The following SLC35F3 variants were observed in gnomAD, a reference collection of about 807,000 sequenced individuals.
The protein encoded by SLC35F3 is solute carrier family 35 member F3.
SLC35F3 carries 25 observed loss-of-function variants against 49.9 expected under a neutral mutation model. The ratio of observed to expected loss-of-function variants is 0.50; its 90% confidence interval spans 0.37 to 0.70. The LOEUF (loss-of-function observed/expected upper bound fraction) is 0.70. SLC35F3 is among the 30% of genes least tolerant of loss of function. The pLI, the probability that SLC35F3 is intolerant of heterozygous loss-of-function variation, is 0.00. For synonymous variants in SLC35F3, 275 were observed against 265.4 expected, an observed-to-expected ratio of 1.04 and a Z score of -0.35; for missense variants, 525 against 639.8, an observed-to-expected ratio of 0.82 and a Z score of 1.94.
chr1:234,065,282 G>C (rs191430430), intron 2 of SLC35F3, among the ~76,000 whole-genome samples: 3 of 152,236 alleles, frequency 2.0e-5, no homozygotes, highest in Admixed American at 2.0e-4. Flanking sequence ...GAGTAGCTGG[G>C]ACTACAGACG....
intron 2 of SLC35F3, among the ~76,000 whole-genome samples, chr1:233,960,755 G>T (rs980220644): frequency 6.6e-6 from 1 of 152,198 alleles, no homozygotes; most frequent in African/African-American, 2.4e-5. Flanking sequence ...CCCACTGCCA[G>T]CATTCCCCCT....
intron 2 of SLC35F3, among the ~76,000 whole-genome samples, chr1:234,081,591 C>T (rs1338052226): frequency 6.6e-6 from 1 of 152,150 alleles, no homozygotes; most frequent in African/African-American, 2.4e-5. Flanking sequence ...ACCTATTCAA[C>T]CCTATTCTTT....
chr1:233,998,573 C>T (rs765009520), intron 2 of SLC35F3, among the ~76,000 whole-genome samples: 10 of 150,142 alleles, frequency 6.7e-5, no homozygotes, highest in Non-Finnish European at 4.4e-5. Context: ...GGAAATCATA[C>T]GAGATTATAA....
chr1:234,178,404 A>G (rs148658743), intron 2 of SLC35F3, among the ~76,000 whole-genome samples: 286 of 150,670 alleles, frequency 1.9e-3, no homozygotes, highest in Non-Finnish European at 2.7e-3. Flanking sequence ...TGTTTCTCTC[A>G]TTGACCTTCT....
At chr1:234,147,239 T>A (rs1244661766) in intron 2 of SLC35F3, among the ~76,000 whole-genome samples, 1 of 151,144 alleles carries the variant, frequency 6.6e-6, no homozygotes, top group African/African-American at 2.4e-5. Flanking sequence ...TCTTTTTTTT[T>A]TTTTTTTGTC....
At position 234,305,213 on chromosome 1, in the gene SLC35F3, T is replaced by G. The variant is rs576948921; in HGVS notation, c.609-3888T>G. Among the ~76,000 whole-genome samples, 6 of 152,280 alleles carry G rather than the reference T, an allele frequency of 3.9e-5. 1 individual carries two copies. The highest frequency in any genetic ancestry group is 1.4e-4 in the African/African-American group (6 of 41,558). On this transcript the variant is annotated intron_variant, in intron 3 of 7. Coordinates refer to ENST00000366618, the MANE Select transcript of SLC35F3 (RefSeq NM_173508.4). ...TTCATAGAAAAGTTAGAATATGAAGTCAAGACAGGCTATCCCAGCTAGGAT... is the reference window on the plus strand; with the variant it reads ...TTCATAGAAAAGTTAGAATATGAAGGCAAGACAGGCTATCCCAGCTAGGAT...
chr1:233,938,493 A>T (rs1662368623), intron 2 of SLC35F3, among the ~76,000 whole-genome samples: 1 of 152,202 alleles, frequency 6.6e-6, no homozygotes, highest in Non-Finnish European at 1.5e-5. Context: ...CTTCAAATGG[A>T]TTTTGGGATT....
At chr1:234,033,730 C>T (rs535933625) in intron 2 of SLC35F3, among the ~76,000 whole-genome samples, 3 of 152,238 alleles carry the variant, frequency 2.0e-5, no homozygotes, top group African/African-American at 7.2e-5. Context: ...ATTTTTATAC[C>T]AGTATCATGC....
At chr1:233,966,097 A>G (rs1662901548) in intron 2 of SLC35F3, among the ~76,000 whole-genome samples, 2 of 152,192 alleles carry the variant, frequency 1.3e-5, no homozygotes, top group South Asian at 4.1e-4. Flanking sequence ...TCCACCCACA[A>G]GAGGGAAATG....
chr1:233,910,672 T>C (rs532895754), intron 2 of SLC35F3, among the ~76,000 whole-genome samples: 12 of 152,338 alleles, frequency 7.9e-5, no homozygotes, highest in African/African-American at 2.6e-4. Context: ...TTAAATCCTT[T>C]TCTGGGTAAA....
intron 3 of SLC35F3, among the ~76,000 whole-genome samples, chr1:234,265,055 G>A (rs1056056150): frequency 8.5e-5 from 13 of 152,072 alleles, no homozygotes; most frequent in African/African-American, 2.2e-4. Flanking sequence ...ACGCTTGCTC[G>A]CTAGGTGAGC....
chr1:234,260,587 G>C (rs939030864), intron 3 of SLC35F3, among the ~76,000 whole-genome samples: 5 of 152,084 alleles, frequency 3.3e-5, no homozygotes, highest in African/African-American at 1.2e-4. Flanking sequence ...CTAGGCTGAG[G>C]GGTAACATTC....
intron 2 of SLC35F3, among the ~76,000 whole-genome samples, chr1:234,073,001 A>G (rs1045896945): frequency 1.3e-5 from 2 of 152,190 alleles, no homozygotes; most frequent in Non-Finnish European, 2.9e-5. Flanking sequence ...GGTGTTTGTG[A>G]TAACCCAGTG....
At chr1:233,923,151 G>A (rs1228141811) in intron 2 of SLC35F3, among the ~76,000 whole-genome samples, 1 of 152,144 alleles carries the variant, frequency 6.6e-6, no homozygotes, top group Non-Finnish European at 1.5e-5. Flanking sequence ...GGTTCCATAT[G>A]AACTTTAAAG....
At chr1:233,952,386 G>A (rs1662622668) in intron 2 of SLC35F3, among the ~76,000 whole-genome samples, 1 of 152,136 alleles carries the variant, frequency 6.6e-6, no homozygotes, top group Admixed American at 6.5e-5. Context: ...CTGGGGTTGA[G>A]GTGGGTGTGG....
intron 2 of SLC35F3, among the ~76,000 whole-genome samples, chr1:233,928,924 A>G (rs1331295268): frequency 7.4e-6 from 1 of 134,674 alleles, no homozygotes; most frequent in African/African-American, 2.6e-5. Flanking sequence ...GAATATGTAC[A>G]AGTCTGATTT....
At chr1:234,289,524 C>G (rs542322049) in intron 3 of SLC35F3, among the ~76,000 whole-genome samples, 2 of 152,304 alleles carry the variant, frequency 1.3e-5, no homozygotes, top group South Asian at 4.1e-4. Flanking sequence ...TGGAGTAACT[C>G]TGCCTATCAG....
intron 3 of SLC35F3, among the ~76,000 whole-genome samples, chr1:234,257,063 G>A (rs987207526): frequency 6.6e-6 from 1 of 152,162 alleles, no homozygotes; most frequent in Admixed American, 6.5e-5. Context: ...TAAAACGGGT[G>A]CATTTTATTG....
intron 2 of SLC35F3, among the ~76,000 whole-genome samples, chr1:234,177,577 A>C (rs949357685): frequency 2.6e-5 from 4 of 152,170 alleles, no homozygotes; most frequent in Admixed American, 2.6e-4. Flanking sequence ...GCTTTACTAC[A>C]CTTACTGATC....
Sources: allele counts gnomAD v4.1 joint callset (sites outside exome capture counted in the v4.1 genomes callset), GRCh38; gene constraint gnomAD v4.1.1; transcripts MANE v1.5; gene names NCBI Gene and HGNC (gene_info 2026-07-23, HGNC 2026-07-21).